PDAP1: variants seen among roughly 807,000 people sequenced by gnomAD.
PDAP1 encodes the protein 28 kDa heat- and acid-stable phosphoprotein.
Under a neutral mutation model 28.0 loss-of-function variants are expected in PDAP1, and 13 were observed. The ratio of observed to expected loss-of-function variants is 0.46; its 90% CI spans 0.30 to 0.74. The LOEUF (loss-of-function observed/expected upper bound fraction) is 0.74, where lower values mean the gene tolerates loss of function less well. Among genes scored for constraint, PDAP1 ranks in the 30% least tolerant of loss-of-function variants. The pLI is 0.07. For synonymous variants in PDAP1, 77 were observed against 85.1 expected, an observed-to-expected ratio of 0.91 and a Z score of 0.52; for missense variants, 150 against 230.0, an observed-to-expected ratio of 0.65 and a Z score of 2.25.
Position 99,396,644 on chromosome 7 carries a change from C to T in PDAP1, c.*38G>A, listed in dbSNP as rs376346163. 23 of 1,563,828 alleles carry T rather than the reference C, an allele frequency of 1.5e-5. No homozygotes were observed. Among genetic ancestry groups the T allele is most frequent in the Middle Eastern group, 2.3e-4 (1 of 4,382 alleles). On this transcript the variant is annotated 3_prime_UTR_variant, in exon 6 of 6. Transcript: ENST00000350498. ...AGACACAGCAGAGGTCCTGGCAGCGCGGCCCAGGTCCCCGGCATCTCCTCC... is the reference window on the plus strand; with the variant it reads ...AGACACAGCAGAGGTCCTGGCAGCGTGGCCCAGGTCCCCGGCATCTCCTCC...
At chr7:99,407,424 T>C (rs770431216) in intron 1 of PDAP1, among the ~76,000 whole-genome samples, 2 of 152,170 alleles carry the variant, frequency 1.3e-5, no homozygotes, top group African/African-American at 4.8e-5. Flanking sequence ...AGCCACAGAA[T>C]AAATCAGTAG....
intron 4 of PDAP1, 117 bp downstream of exon 4, chr7:99,400,186 G>T: frequency 8.7e-7 from 1 of 1,145,234 alleles, no homozygotes; most frequent in Non-Finnish European, 1.3e-6. Context: ...GAGGGCCATT[G>T]GGGAATGAGA....
chr7:99,399,914 C>T (rs1009377341), intron 4 of PDAP1, among the ~76,000 whole-genome samples: 3 of 152,172 alleles, frequency 2.0e-5, no homozygotes, highest in East Asian at 1.9e-4. Context: ...GCCTTCTGGC[C>T]GGCACAGGCT....
At chr7:99,397,693 G>C in intron 5 of PDAP1, among the ~76,000 whole-genome samples, 169 bp downstream of exon 5, 1 of 152,188 alleles carries the variant, frequency 6.6e-6, no homozygotes, top group East Asian at 1.9e-4. Flanking sequence ...CCTGGTCCCC[G>C]AGGGAGTGGC....
At chr7:99,406,634 TC>T in intron 1 of PDAP1, 1 of 984,672 alleles carries the variant, frequency 1.0e-6, no homozygotes, top group Non-Finnish European at 1.2e-6. Flanking sequence ...CAAGGTGGCA[TC>T]CCCCTCTGCT....
chr7:99,396,802 C>T (rs1794776271), intron 5 of PDAP1, 62 bp from the exon 6 acceptor site: 4 of 1,299,380 alleles, frequency 3.1e-6, no homozygotes, highest in Middle Eastern at 2.0e-4. Flanking sequence ...TCCCAACACA[C>T]GTGCCAGAAC....
At chr7:99,398,354 G>C (rs937575938) in intron 4 of PDAP1, among the ~76,000 whole-genome samples, 1 of 152,222 alleles carries the variant, frequency 6.6e-6, no homozygotes, top group African/African-American at 2.4e-5. Context: ...GAGTGTTCCA[G>C]AGAAGATGAC....
At chr7:99,397,797 G>C in intron 5 of PDAP1, 65 bp downstream of exon 5, 2 of 1,580,924 alleles carry the variant, frequency 1.3e-6, no homozygotes. Context: ...CACGAGTTCA[G>C]TGCTTTGTGG....
In PDAP1 at chr7:99,396,615, G is replaced by A. The variant is rs1794769730; in HGVS notation, c.*67C>T. The A allele has an allele frequency of 4.4e-6, 6 of 1,371,512 alleles. No individual in the cohort carries two copies. The highest frequency in any genetic ancestry group is 1.4e-5 in the African/African-American group (1 of 70,196). 85.0% of individuals were successfully genotyped at this position (1,371,512 alleles called of 1,614,324 possible). A position where few individuals can be genotyped will look rare whatever the true frequency, so the allele number is the denominator to read the frequency against. On this transcript the variant is annotated 3_prime_UTR_variant, in exon 6 of 6. Coordinates refer to ENST00000350498, the MANE Select transcript of PDAP1 (RefSeq NM_014891.7). ...TGCAGCGGCGCCAGGGCACAGGGTG[G>A]GCGAGACACAGCAGAGGTCCTGGCA...
chr7:99,394,805 A>C lies in PDAP1; in HGVS notation c.*1877T>G. The C allele has an allele frequency of 8.3e-7, 1 of 1,207,120 alleles. No individual in the cohort carries two copies. 74.8% of individuals were successfully genotyped at this position (1,207,120 alleles called of 1,614,324 possible). The stretch of plus-strand genomic sequence containing the variant: ...AAAAAAAAAAAAAAAAAAAAAAGTA[A>C]TTATGGACATGCTTGCCTATGTGGA... On this transcript the variant is annotated 3_prime_UTR_variant, in exon 6 of 6. Transcript: ENST00000350498.
rs577800961 is a variant in PDAP1 at position 99,397,692 on chromosome 7, C to T, written c.487+170G>A. Among the ~76,000 whole-genome samples, 19 of 152,314 alleles carry T rather than the reference C, an allele frequency of 1.2e-4. No homozygotes were observed. In the East Asian group the frequency reaches 3.3e-3, roughly 26 times the overall value. ...GATGTCGCTGGACCCTCCTGGTCCC[C>T]GAGGGAGTGGCAGGCACAGGGAGGG... is the stretch of plus-strand genomic sequence containing the variant. On this transcript the variant is annotated intron_variant, in intron 5 of 5. Coordinates refer to ENST00000350498, the MANE Select transcript of PDAP1 (RefSeq NM_014891.7).
intron 3 of PDAP1, among the ~76,000 whole-genome samples, chr7:99,401,189 G>C (rs1325443698): frequency 1.3e-5 from 2 of 152,112 alleles, no homozygotes; most frequent in African/African-American, 4.8e-5. Flanking sequence ...GACAGAACTC[G>C]AGATTCATCC....
Position 99,394,877 on chromosome 7 carries a change from G to T in PDAP1, c.*1805C>A. 1 of 1,161,502 alleles carries T rather than the reference G, an allele frequency of 8.6e-7. No individual in the cohort carries two copies. Among genetic ancestry groups the T allele is most frequent in the African/African-American group, 1.6e-5 (1 of 62,486 alleles). 71.9% of individuals were successfully genotyped at this position (1,161,502 alleles called of 1,614,324 possible). A position where few individuals can be genotyped will look rare whatever the true frequency, so the allele number is the denominator to read the frequency against. On this transcript the variant is annotated 3_prime_UTR_variant, in exon 6 of 6. Transcript: ENST00000350498. ...CCTTGGGGTCTTGCTAAGTTTTCCA[G>T]GCTGCACTAGAACTCGTGGGAGCAA... is the stretch of plus-strand genomic sequence containing the variant.
chr7:99,399,213 G>T (rs577141500), intron 4 of PDAP1, among the ~76,000 whole-genome samples: 4 of 152,142 alleles, frequency 2.6e-5, no homozygotes, highest in Non-Finnish European at 4.4e-5. Flanking sequence ...AGGGACTCCC[G>T]AGTGGGAAGA....
chr7:99,397,693 G>T (rs911237508), intron 5 of PDAP1, among the ~76,000 whole-genome samples, 169 bp downstream of exon 5: 1 of 152,188 alleles, frequency 6.6e-6, no homozygotes, highest in Non-Finnish European at 1.5e-5. Context: ...CCTGGTCCCC[G>T]AGGGAGTGGC....
chr7:99,408,576 G>A lies in PDAP1; in HGVS notation c.-28C>T. Reference sequence around the variant, plus strand: ...CGGCTCCGGCGGCTGCGGCGGCGGCGGCGGCGCCTCGAACTGACACCGGAA... The same window carrying A: ...CGGCTCCGGCGGCTGCGGCGGCGGCAGCGGCGCCTCGAACTGACACCGGAA... On this transcript the variant is annotated 5_prime_UTR_variant, in exon 1 of 6. Coordinates refer to ENST00000350498, the MANE Select transcript of PDAP1 (RefSeq NM_014891.7). 1 of 1,270,348 alleles carries A rather than the reference G, an allele frequency of 7.9e-7. No homozygotes were observed. The highest frequency in any genetic ancestry group is 9.9e-7 in the Non-Finnish European group (1 of 1,005,942). 78.7% of individuals were successfully genotyped at this position (1,270,348 alleles called of 1,614,324 possible).
At chr7:99,403,901 A>C (rs1230671864) in intron 2 of PDAP1, among the ~76,000 whole-genome samples, 3 of 151,996 alleles carry the variant, frequency 2.0e-5, no homozygotes, top group Non-Finnish European at 4.4e-5. Flanking sequence ...CTGCCAAATC[A>C]TGCTGGCATT....
intron 5 of PDAP1, 29 bp from the exon 6 acceptor site, chr7:99,396,769 A>C: frequency 6.3e-7 from 1 of 1,589,162 alleles, no homozygotes; most frequent in Non-Finnish European, 8.6e-7. Context: ...GCAGGGGTTA[A>C]AACAAAGCAA....
intron 3 of PDAP1, 27 bp from the exon 4 acceptor site, chr7:99,400,451 T>TG (rs1794843223): frequency 6.2e-7 from 1 of 1,613,802 alleles, no homozygotes; most frequent in Non-Finnish European, 8.5e-7. Context: ...AGCTGGTTGT[T>TG]GGAGTTCAGG....
Sources: gnomAD v4.1 joint callset for allele counts (sites outside exome capture counted in the v4.1 genomes callset) on GRCh38, gnomAD v4.1.1 for gene constraint, MANE v1.5 for transcripts, NCBI Gene and HGNC (gene_info 2026-07-23, HGNC 2026-07-21) for gene names.